The following CYTH2 variants were observed in gnomAD, a reference collection of about 807,000 sequenced individuals.
CYTH2 encodes the protein cytohesin-2.
CYTH2 carries 24 observed loss-of-function variants against 55.4 expected under a neutral mutation model. The ratio of observed to expected loss-of-function variants is 0.43; its 90% CI spans 0.31 to 0.61. The LOEUF is 0.61. CYTH2 is among the 20% of genes least tolerant of loss of function. The probability of loss-of-function intolerance (pLI) is 0.08; values close to 1 mark genes in which losing one functional copy is unlikely to be tolerated. For missense variants in CYTH2, 378 were observed against 533.5 expected (o/e 0.71, Z 2.87); for synonymous variants, 221 against 209.6 (o/e 1.05, Z -0.47).
At chr19:48,470,305 G>A in intron 1 of CYTH2, 48 bp from the exon 2 acceptor site, 1 of 1,550,332 alleles carries the variant, frequency 6.5e-7, no homozygotes, top group Non-Finnish European at 8.7e-7. Flanking sequence ...AGGAATTCAG[G>A]CTCACGGCCC....
intron 8 of CYTH2, chr19:48,476,670 G>A (rs1601026350): frequency 6.6e-6 from 1 of 152,198 alleles, no homozygotes. Flanking sequence ...GAGGTCAGGA[G>A]TTTGAGACCA....
chr19:48,481,929 T>A lies in CYTH2; in HGVS notation c.*2719T>A, dbSNP rs1972051045. 6.6e-6 allele frequency: 1 copy of A among 152,252 alleles called. No homozygotes were observed. Among genetic ancestry groups the A allele is most frequent in the Admixed American group, 6.5e-5 (1 of 15,272 alleles). 9.4% of individuals were successfully genotyped at this position (152,252 alleles called of 1,614,324 possible). ...TGGGATGTGGGGCCTCATAAGGAGC[T>A]GTGTGGTCTTGGAGGTGGAGTCCTC... On this transcript the variant is annotated 3_prime_UTR_variant, in exon 12 of 12. Transcript: ENST00000452733.
Position 48,470,596 on chromosome 19 carries a change from C to T in CYTH2, c.168-7C>T, listed in dbSNP as rs1166543314. On this transcript the variant is annotated splice_region_variant and splice_polypyrimidine_tract_variant and intron_variant, in intron 2 of 11. Coordinates refer to ENST00000452733, the MANE Select transcript of CYTH2 (RefSeq NM_004228.7). ...TCCACCCCCAACCCTGCTCTCTGCT[C>T]CTGCAGTAAGACCTTGCAACGGAAC... The T allele has an allele frequency of 1.2e-6, 2 of 1,614,132 alleles. No homozygotes were observed. Among genetic ancestry groups the T allele is most frequent in the African/African-American group, 2.7e-5 (2 of 74,944 alleles).
intron 8 of CYTH2, chr19:48,477,372 T>C (rs60507519): frequency 0.064 from 9,751 of 152,434 alleles, 1,058 homozygotes; most frequent in African/African-American, 0.22. Flanking sequence ...CAAGGGAGGA[T>C]GCTCCTGGCC....
chr19:48,475,089 C>T (rs1208864125), intron 8 of CYTH2, 140 bp downstream of exon 8: 2 of 706,312 alleles, frequency 2.8e-6, no homozygotes, highest in Non-Finnish European at 4.7e-6. Flanking sequence ...TTTCCACACC[C>T]AAAAAATGGG....
rs376539291 is a variant in CYTH2, at chr19:48,474,857, G to A, written c.716G>A (p.Arg239Gln). 9 of 1,614,016 alleles carry A rather than the reference G, an allele frequency of 5.6e-6. No individual in the cohort carries two copies. The East Asian group carries it at 8.9e-5, about 16-fold the overall frequency. The change falls in exon 8 of 12, where the codon CGA (arginine) becomes CAA (glutamine). Residue 239 changes from arginine (R) to glutamine (Q), a missense_variant. Coordinates refer to ENST00000452733, the MANE Select transcript of CYTH2 (RefSeq NM_004228.7). The surrounding 1 kb of genome is among the most constrained non-coding windows in gnomAD (Gnocchi z 4.9). The part of the protein sequence containing the change: ...ELLRNLYDSI[R>Q]NEPFKIPEDD... Reference sequence around the variant, plus strand: ...CCTCAGAACCTGTACGACAGCATCCGAAATGAGCCCTTCAAGATTCCTGAG... The same window carrying A: ...CCTCAGAACCTGTACGACAGCATCCAAAATGAGCCCTTCAAGATTCCTGAG...
At chr19:48,470,759 G>A (rs1458878285) in intron 3 of CYTH2, 90 bp downstream of exon 3, 6 of 1,438,552 alleles carry the variant, frequency 4.2e-6, no homozygotes, top group Admixed American at 1.7e-5. Context: ...TGATGGTGCC[G>A]GGTCTATTCT....
chr19:48,469,690 G>T, intron 1 of CYTH2, 164 bp downstream of exon 1: 1 of 1,139,942 alleles, frequency 8.8e-7, no homozygotes, highest in Non-Finnish European at 1.2e-6. Flanking sequence ...TTCCGGCGGG[G>T]CCCGAAAGCC....
rs147352285 is a variant in CYTH2, at chr19:48,478,587, C to G, written c.1107C>G (p.Ser369=). 6.2e-7 allele frequency: 1 copy of G among 1,607,816 alleles called. No homozygotes were observed. Among genetic ancestry groups the G allele is most frequent in the African/African-American group, 1.3e-5 (1 of 74,764 alleles). ...AGGAGAAGGACGAGTGGATCAAGTC[C>G]ATCCAGTGAGCCTGGACTCCTGGGC... is the stretch of plus-strand genomic sequence containing the variant. ...TQEEKDEWIK[S]IQAAVSVDPF... is the part of the protein sequence containing the mutation. Residue 369 remains serine, a synonymous_variant, in exon 11 of 12, where the codon TCC becomes TCG. Coordinates refer to ENST00000452733, the MANE Select transcript of CYTH2 (RefSeq NM_004228.7).
chr19:48,479,779 C>CT lies in CYTH2; in HGVS notation c.*572dup, dbSNP rs1490758877. 6.4e-6 allele frequency: 1 copy of CT among 156,080 alleles called. No individual in the cohort carries two copies. The highest frequency in any genetic ancestry group is 1.4e-5 in the Non-Finnish European group (1 of 70,212). The allele number at this position is 156,080 out of a possible 1,614,324, so 9.7% of individuals were successfully genotyped here. A position where few individuals can be genotyped will look rare whatever the true frequency, so the allele number is the denominator to read the frequency against. Reference sequence around the variant, plus strand: ...GGTGAGGTTGTGAGCTGGGCCAGGGCTTTGAGGACAACCTGGAGCTGGAAG... The same window carrying CT: ...GGTGAGGTTGTGAGCTGGGCCAGGGCTTTTGAGGACAACCTGGAGCTGGAAG... On this transcript the variant is annotated 3_prime_UTR_variant, in exon 12 of 12. Coordinates refer to ENST00000452733, the MANE Select transcript of CYTH2 (RefSeq NM_004228.7).
At chr19:48,471,630 A>G (rs1462008577) in intron 3 of CYTH2, among the ~76,000 whole-genome samples, 1 of 152,252 alleles carries the variant, frequency 6.6e-6, no homozygotes, top group East Asian at 1.9e-4. Context: ...TTCGTAGCAC[A>G]GAGAGTGAGA....
chr19:48,480,977 G>C lies in CYTH2; in HGVS notation c.*1767G>C, dbSNP rs1462628024. On this transcript the variant is annotated 3_prime_UTR_variant, in exon 12 of 12. Transcript: ENST00000452733. Reference sequence around the variant, plus strand: ...AGGGCAGAGGCAGGCGGCCGGTCGCGTGGGGCCTGGGCCGCCCCAGGAGGG... The same window carrying C: ...AGGGCAGAGGCAGGCGGCCGGTCGCCTGGGGCCTGGGCCGCCCCAGGAGGG... 6.6e-6 allele frequency: 1 copy of C among 152,220 alleles called. No homozygotes were observed. The highest frequency in any genetic ancestry group is 1.5e-5 in the Non-Finnish European group (1 of 68,118). 9.4% of individuals were successfully genotyped at this position (152,220 alleles called of 1,614,324 possible).
chr19:48,474,082 G>T lies in CYTH2; in HGVS notation c.547+65G>T. 1 of 1,546,842 alleles carries T rather than the reference G, an allele frequency of 6.5e-7. No individual in the cohort carries two copies. ...TGGGGCCCAGACTCCTAGGTCTGAG[G>T]GAGGGAGGGGGCTGGGAGCTGGGAA... is the stretch of plus-strand genomic sequence containing the variant. On this transcript the variant is annotated intron_variant, in intron 6 of 11. Coordinates refer to ENST00000452733, the MANE Select transcript of CYTH2 (RefSeq NM_004228.7). The surrounding 1 kb of genome is among the most constrained non-coding windows in gnomAD (Gnocchi z 4.9).
chr19:48,474,087 G>A lies in CYTH2; in HGVS notation c.547+70G>A. Reference sequence around the variant, plus strand: ...CCCAGACTCCTAGGTCTGAGGGAGGGAGGGGGCTGGGAGCTGGGAATCCTG... The same window carrying A: ...CCCAGACTCCTAGGTCTGAGGGAGGAAGGGGGCTGGGAGCTGGGAATCCTG... On this transcript the variant is annotated intron_variant, in intron 6 of 11. Coordinates refer to ENST00000452733, the MANE Select transcript of CYTH2 (RefSeq NM_004228.7). This position sits in a 1 kb window ranked among gnomAD's most constrained non-coding sequence, Gnocchi z 4.9. The A allele has an allele frequency of 6.5e-7, 1 of 1,547,972 alleles. No homozygotes were observed. Among genetic ancestry groups the A allele is most frequent in the Non-Finnish European group, 8.7e-7 (1 of 1,147,032 alleles).
chr19:48,473,848 A>G, intron 5 of CYTH2, 57 bp from the exon 6 acceptor site: 1 of 1,371,022 alleles, frequency 7.3e-7, no homozygotes, highest in Admixed American at 2.1e-5. Context: ...AGGGACTGAG[A>G]GTGGGGACAG....
At chr19:48,475,973 C>T (rs1402022707) in intron 8 of CYTH2, 39 of 517,422 alleles carry the variant, frequency 7.5e-5, no homozygotes, top group Non-Finnish European at 1.5e-4. Context: ...GCAGGAGAGC[C>T]CACAGGAAGC....
rs146908272 is a variant in CYTH2, at chr19:48,470,754, G to A, written c.234+85G>A. On this transcript the variant is annotated intron_variant, in intron 3 of 11. Transcript: ENST00000452733. Reference sequence around the variant, plus strand: ...ACCTCCGGGTTCCAGAAGCGTGATGGTGCCGGGTCTATTCTAGGTGGACAG... The same window carrying A: ...ACCTCCGGGTTCCAGAAGCGTGATGATGCCGGGTCTATTCTAGGTGGACAG... The A allele has an allele frequency of 1.5e-5, 22 of 1,471,458 alleles. No individual in the cohort carries two copies. In the Middle Eastern group the frequency reaches 1.7e-3, roughly 117 times the overall value. The allele number at this position is 1,471,458 out of a possible 1,614,324, so 91.2% of individuals were successfully genotyped here.
intron 11 of CYTH2, 75 bp downstream of exon 11, chr19:48,478,667 G>C: frequency 9.4e-7 from 1 of 1,062,184 alleles, no homozygotes; most frequent in Non-Finnish European, 1.3e-6. Context: ...GGAGGGGCAG[G>C]GGCCTGGATG....
intron 4 of CYTH2, 170 bp downstream of exon 4, chr19:48,472,613 TA>T (rs1461148628): frequency 2.9e-6 from 2 of 687,572 alleles, no homozygotes; most frequent in South Asian, 3.1e-5. Flanking sequence ...TGACATGGGC[TA>T]GGGGAGCCTG....
Sources: allele counts gnomAD v4.1 joint callset (sites outside exome capture counted in the v4.1 genomes callset), GRCh38; gene constraint gnomAD v4.1.1; non-coding constraint Gnocchi (gnomAD v3.1); transcripts MANE v1.5; gene names NCBI Gene and HGNC (gene_info 2026-07-23, HGNC 2026-07-21).